UNC5C: variants seen among roughly 807,000 people sequenced by gnomAD.
UNC5C encodes unc-5 netrin receptor C, also known as netrin receptor UNC5C.
A neutral mutation model predicts 99.8 loss-of-function variants in UNC5C; 47 were observed. The ratio of observed to expected loss-of-function variants is 0.47; its 90% CI spans 0.37 to 0.60. The LOEUF is 0.60. Ranked by LOEUF, UNC5C falls within the 20% of genes least tolerant of loss-of-function variation. The pLI, the probability that UNC5C is intolerant of heterozygous loss-of-function variation, is 0.00. For synonymous variants in UNC5C, 487 were observed against 452.2 expected (o/e 1.08, Z -0.98); for missense variants, 1,062 against 1,165.9 (o/e 0.91, Z 1.30).
At chr4:95,389,047 A>G (rs987005247) in intron 1 of UNC5C, among the ~76,000 whole-genome samples, 4 of 152,174 alleles carry the variant, frequency 2.6e-5, no homozygotes, top group Non-Finnish European at 4.4e-5. Context: ...CCCTAAGCAT[A>G]TTCCATGGAT....
intron 1 of UNC5C, among the ~76,000 whole-genome samples, chr4:95,403,369 C>CA (rs1745751506): frequency 6.6e-6 from 1 of 152,142 alleles, no homozygotes; most frequent in African/African-American, 2.4e-5. Context: ...CGCTGCTGCT[C>CA]AGTAGCTGGG....
intron 1 of UNC5C, among the ~76,000 whole-genome samples, chr4:95,468,079 G>C (rs779373199): frequency 7.3e-5 from 11 of 151,480 alleles, no homozygotes; most frequent in Non-Finnish European, 1.3e-4. Flanking sequence ...GGAGAGGAAG[G>C]CATACTTGGC....
At chr4:95,332,100 G>A (rs1217512931) in intron 2 of UNC5C, among the ~76,000 whole-genome samples, 1 of 152,160 alleles carries the variant, frequency 6.6e-6, no homozygotes, top group Non-Finnish European at 1.5e-5. Flanking sequence ...AACATTCCAT[G>A]CTCATGGGTA....
chr4:95,545,416 C>G (rs1389273665), intron 1 of UNC5C, among the ~76,000 whole-genome samples: 3 of 152,112 alleles, frequency 2.0e-5, no homozygotes, highest in African/African-American at 7.2e-5. Context: ...TTTCTGTACT[C>G]CTACAATGAA....
intron 2 of UNC5C, 151 bp from the exon 3 acceptor site, chr4:95,301,900 C>A (rs540196768): frequency 1.9e-6 from 2 of 1,049,918 alleles, no homozygotes; most frequent in African/African-American, 3.2e-5. Flanking sequence ...ACTTTCTTCT[C>A]GTTCCAGTTA....
intron 14 of UNC5C, among the ~76,000 whole-genome samples, chr4:95,180,156 C>A (rs1736555219): frequency 6.6e-6 from 1 of 151,662 alleles, no homozygotes; most frequent in Admixed American, 6.6e-5. Flanking sequence ...AAACATTCTC[C>A]CATTTAATTC....
At chr4:95,484,830 G>T (rs1255895179) in intron 1 of UNC5C, among the ~76,000 whole-genome samples, 1 of 151,770 alleles carries the variant, frequency 6.6e-6, no homozygotes, top group Non-Finnish European at 1.5e-5. Flanking sequence ...CTTGGACCAA[G>T]GTTAAAGTAG....
At chr4:95,219,496 TGTAA>T (rs1385823313) in intron 8 of UNC5C, among the ~76,000 whole-genome samples, 183 bp from the exon 9 acceptor site, 1 of 152,190 alleles carries the variant, frequency 6.6e-6, no homozygotes, top group Non-Finnish European at 1.5e-5. Context: ...TATTATTGGC[TGTAA>T]GTAAGTGGTC....
chr4:95,540,193 T>A (rs1448884766), intron 1 of UNC5C, among the ~76,000 whole-genome samples: 1 of 152,186 alleles, frequency 6.6e-6, no homozygotes, highest in Admixed American at 6.5e-5. Context: ...AGTTTATACC[T>A]TTTAAATACT....
chr4:95,263,439 T>C (rs191048952), intron 4 of UNC5C, among the ~76,000 whole-genome samples: 6 of 152,338 alleles, frequency 3.9e-5, no homozygotes, highest in South Asian at 2.1e-4. Flanking sequence ...CAAGAAATTC[T>C]ACCAGGGGAG....
intron 1 of UNC5C, among the ~76,000 whole-genome samples, chr4:95,451,087 G>A (rs1041792039): frequency 6.6e-5 from 10 of 152,140 alleles, no homozygotes; most frequent in African/African-American, 1.9e-4. Flanking sequence ...TATGACTTAC[G>A]TAGCAATTAG....
chr4:95,333,480 C>G (rs1208887658), intron 2 of UNC5C, among the ~76,000 whole-genome samples: 1 of 149,914 alleles, frequency 6.7e-6, no homozygotes, highest in Non-Finnish European at 1.5e-5. Flanking sequence ...GACAAAAAAC[C>G]AAACACCACA....
At chr4:95,201,485 T>C (rs1737653548) in intron 12 of UNC5C, among the ~76,000 whole-genome samples, 1 of 152,154 alleles carries the variant, frequency 6.6e-6, no homozygotes, top group Non-Finnish European at 1.5e-5. Flanking sequence ...TTTAAACCTC[T>C]CCAATCTCCA....
At chr4:95,259,010 C>T (rs1456486835) in intron 4 of UNC5C, among the ~76,000 whole-genome samples, 1 of 151,668 alleles carries the variant, frequency 6.6e-6, no homozygotes, top group African/African-American at 2.4e-5. Flanking sequence ...ATCCACCCGC[C>T]TCGGCCTCCC....
At chr4:95,200,788 C>T (rs1307508866) in intron 12 of UNC5C, among the ~76,000 whole-genome samples, 1 of 152,112 alleles carries the variant, frequency 6.6e-6, no homozygotes, top group Non-Finnish European at 1.5e-5. Flanking sequence ...CTAACCGTGC[C>T]TTGGGCATCT....
At chr4:95,405,750 G>T (rs546517297) in intron 1 of UNC5C, among the ~76,000 whole-genome samples, 1 of 152,136 alleles carries the variant, frequency 6.6e-6, no homozygotes, top group Admixed American at 6.5e-5. Context: ...TTATTGCTGC[G>T]TGCCTGAACT....
At position 95,468,595 on chromosome 4, in the gene UNC5C, T is replaced by C. The variant is rs1229329341; in HGVS notation, c.124+80139A>G. On this transcript the variant is annotated intron_variant, in intron 1 of 15. Coordinates refer to ENST00000453304, the MANE Select transcript of UNC5C (RefSeq NM_003728.4). ...GTTTGAGGCTTGATGGCTCTCAGGA[T>C]TTTTTCTATAACAATGATGGCATAT... 2.6e-5 allele frequency among the ~76,000 whole-genome samples: 4 copies of C among 152,154 alleles called. No homozygotes were observed. The East Asian group carries it at 5.8e-4, about 22-fold the overall frequency.
At chr4:95,235,623 C>T (rs1298134515) in intron 7 of UNC5C, among the ~76,000 whole-genome samples, 2 of 152,190 alleles carry the variant, frequency 1.3e-5, no homozygotes, top group African/African-American at 4.8e-5. Flanking sequence ...TTAGGTCTAA[C>T]ATTGCAGTCT....
intron 1 of UNC5C, among the ~76,000 whole-genome samples, chr4:95,483,347 ACT>A (rs1168290254): frequency 1.3e-5 from 2 of 151,512 alleles, no homozygotes; most frequent in Non-Finnish European, 2.9e-5. Flanking sequence ...GTTATCTTTA[ACT>A]CTTTCTCTTT....
Sources: gnomAD v4.1 joint callset for allele counts (sites outside exome capture counted in the v4.1 genomes callset) on GRCh38, gnomAD v4.1.1 for gene constraint, MANE v1.5 for transcripts, NCBI Gene and HGNC (gene_info 2026-07-23, HGNC 2026-07-21) for gene names.